The following PEAK1 variants were observed in gnomAD, a reference collection of about 807,000 sequenced individuals.
PEAK1 encodes the protein pseudopodium enriched atypical kinase 1, also known as inactive tyrosine-protein kinase PEAK1.
Under a neutral mutation model 124.7 loss-of-function variants are expected in PEAK1, and 54 were observed. The observed-to-expected ratio is 0.43, with a 90% confidence interval of 0.35 to 0.54. PEAK1 has a LOEUF of 0.54. Among genes scored for constraint, PEAK1 ranks in the 20% least tolerant of loss-of-function variants. The pLI is 0.01. For synonymous variants in PEAK1, 719 were observed against 760.0 expected, an observed-to-expected ratio of 0.95 and a Z score of 0.89; for missense variants, 2,046 against 2,134.5, an observed-to-expected ratio of 0.96 and a Z score of 0.82.
At chr15:77,322,740 A>G (rs2065306351) in intron 2 of PEAK1, among the ~76,000 whole-genome samples, 1 of 152,218 alleles carries the variant, frequency 6.6e-6, no homozygotes, top group Non-Finnish European at 1.5e-5. Flanking sequence ...AACTATTCCA[A>G]TTAATAGAAA....
intron 6 of PEAK1, among the ~76,000 whole-genome samples, chr15:77,186,856 C>T (rs2152828501): frequency 6.6e-6 from 1 of 152,308 alleles, no homozygotes; most frequent in South Asian, 2.1e-4. Flanking sequence ...GTCCAAAGAG[C>T]AATCCTTGGG....
rs193290946 is a variant in PEAK1 at position 77,275,268 on chromosome 15, C to T, written c.-275+8615G>A. Among the ~76,000 whole-genome samples, 336 of 152,256 alleles carry T rather than the reference C, an allele frequency of 2.2e-3. 2 individuals are homozygous for T. The highest frequency in any genetic ancestry group is 0.01 in the Middle Eastern group (3 of 294). On this transcript the variant is annotated intron_variant, in intron 5 of 9. Coordinates refer to ENST00000682557, the MANE Select transcript of PEAK1 (RefSeq NM_001385026.1). ...AATCTCATAAATCACCACTAAAGAA[C>T]TTATTCATGTAACCAAACACCACCT...
At chr15:77,168,085 A>C (rs1238980397) in intron 7 of PEAK1, among the ~76,000 whole-genome samples, 10 of 152,206 alleles carry the variant, frequency 6.6e-5, no homozygotes, top group Non-Finnish European at 1.0e-4. Flanking sequence ...GAGGTAATGC[A>C]AATTAAGATA....
At chr15:77,150,115 A>C (rs1392947516) in intron 8 of PEAK1, among the ~76,000 whole-genome samples, 1 of 152,204 alleles carries the variant, frequency 6.6e-6, no homozygotes, top group African/African-American at 2.4e-5. Flanking sequence ...TAGGGCATCT[A>C]TAATCATTTT....
chr15:77,182,955 C>T (rs2057361485), intron 6 of PEAK1, among the ~76,000 whole-genome samples: 1 of 151,518 alleles, frequency 6.6e-6, no homozygotes, highest in Non-Finnish European at 1.5e-5. Flanking sequence ...TATATAAGTC[C>T]AACAAAATAT....
At chr15:77,399,846 G>A (rs1022071768) in intron 1 of PEAK1, among the ~76,000 whole-genome samples, 3 of 152,076 alleles carry the variant, frequency 2.0e-5, no homozygotes, top group African/African-American at 7.2e-5. Context: ...CTTCTGCACA[G>A]CAAAGAAAAC....
intron 2 of PEAK1, among the ~76,000 whole-genome samples, chr15:77,363,641 G>C (rs1382466398): frequency 2.0e-5 from 3 of 152,106 alleles, no homozygotes; most frequent in Admixed American, 6.5e-5. Flanking sequence ...TCCTAATTCG[G>C]TAAGTGATTA....
Position 77,114,812 on chromosome 15 carries a change from G to T in PEAK1, c.4585C>A (p.Pro1529Thr). The change falls in exon 10 of 10, where the codon CCT becomes ACT. Residue 1529 changes from proline (P) to threonine (T), a missense_variant. Physicochemically the swap from Pro to Thr is conservative, Grantham distance 38. Transcript: ENST00000682557. Reference sequence around the variant, plus strand: ...CCAAAGCCTTGGGCAGTCCCCCCAGGCTGGTAGTGGACAAGTAGCAGGTTC... The same window carrying T: ...CCAAAGCCTTGGGCAGTCCCCCCAGTCTGGTAGTGGACAAGTAGCAGGTTC... ...LENLLLVHYQ[P>T]GGTAQGFGPA... The T allele has an allele frequency of 6.2e-7, 1 of 1,613,328 alleles. No individual in the cohort carries two copies. The highest frequency in any genetic ancestry group is 8.5e-7 in the Non-Finnish European group (1 of 1,179,966).
downstream of PEAK1, chr15:77,106,686 A>G (rs1479449925): frequency 6.6e-6 from 1 of 152,206 alleles, no homozygotes; most frequent in East Asian, 1.9e-4. Flanking sequence ...TCTATAACTA[A>G]GGTCTGAGTC....
At position 77,133,130 on chromosome 15, in the gene PEAK1, G is replaced by A. The variant is rs765054920; in HGVS notation, c.3952C>T (p.Arg1318Cys). The A allele has an allele frequency of 3.7e-6, 6 of 1,614,176 alleles. No homozygotes were observed. Among genetic ancestry groups the A allele is most frequent in the South Asian group, 1.1e-5 (1 of 91,082 alleles). Residue 1318 changes from arginine to cysteine, a missense_variant, in exon 9 of 10, where the codon CGT becomes TGT. By Grantham distance (180) the Arg-to-Cys change is radical. Coordinates refer to ENST00000682557, the MANE Select transcript of PEAK1 (RefSeq NM_001385026.1). The surrounding 1 kb of genome is among the most constrained non-coding windows in gnomAD (Gnocchi z 4.2). ...LFMAGQKDQL[R>C]FGVDSWSDFR... is the part of the protein sequence containing the mutation. Reference sequence around the variant, plus strand: ...TCTGACCAGCTGTCCACTCCAAAACGGAGCTGGTCTTTCTGCCCAGCCATG... The same window carrying A: ...TCTGACCAGCTGTCCACTCCAAAACAGAGCTGGTCTTTCTGCCCAGCCATG...
chr15:77,371,684 T>C (rs896432982), intron 1 of PEAK1, among the ~76,000 whole-genome samples: 2 of 152,160 alleles, frequency 1.3e-5, no homozygotes, highest in African/African-American at 4.8e-5. Flanking sequence ...GGTCCAGAGT[T>C]CAAGACCAGT....
chr15:77,332,254 T>C (rs1020258390), intron 2 of PEAK1: 8 of 984,912 alleles, frequency 8.1e-6, no homozygotes, highest in East Asian at 1.1e-4. Context: ...TTGATTTTTT[T>C]CCCCCTGAAA....
chr15:77,102,509 G>A (rs1432106477), exon 7 of PEAK1: 1 of 152,114 alleles, frequency 6.6e-6, no homozygotes, highest in Non-Finnish European at 1.5e-5. Flanking sequence ...CATTCTTCTA[G>A]TTCTTGAGAT....
intron 2 of PEAK1, 28 bp from the exon 3 acceptor site, chr15:77,286,532 T>C (rs1331935557): frequency 1.8e-6 from 2 of 1,124,978 alleles, no homozygotes; most frequent in Non-Finnish European, 2.2e-6. Context: ...GTGGGGAAGA[T>C]ATATTAATAA....
At chr15:77,165,886 G>C (rs901942340) in intron 7 of PEAK1, among the ~76,000 whole-genome samples, 1 of 152,204 alleles carries the variant, frequency 6.6e-6, no homozygotes, top group Non-Finnish European at 1.5e-5. Context: ...GGTGGTGGTA[G>C]AGTTGGGATC....
At chr15:77,252,576 A>AT in intron 5 of PEAK1, 50 bp from the exon 6 acceptor site, 6 of 889,344 alleles carry the variant, frequency 6.7e-6, no homozygotes, top group Non-Finnish European at 8.1e-6. Context: ...ATAATTTCAA[A>AT]TATATTGGAC....
chr15:77,365,741 TAAAAA>T (rs71145816), intron 1 of PEAK1, among the ~76,000 whole-genome samples: 2 of 80,816 alleles, frequency 2.5e-5, no homozygotes, highest in South Asian at 4.8e-4. Flanking sequence ...CTCCATCTCA[TAAAAA>T]AAAAAAAAAA....
At chr15:77,143,379 C>T (rs1264741385) in intron 8 of PEAK1, among the ~76,000 whole-genome samples, 1 of 152,122 alleles carries the variant, frequency 6.6e-6, no homozygotes, top group Non-Finnish European at 1.5e-5. Flanking sequence ...GTTTTACCTC[C>T]CTCACCACAC....
At chr15:77,356,769 A>G (rs530503395) in intron 2 of PEAK1, among the ~76,000 whole-genome samples, 1 of 152,370 alleles carries the variant, frequency 6.6e-6, no homozygotes, top group African/African-American at 2.4e-5. Context: ...CACAGAATTA[A>G]GGCATTATAA....
Sources: allele counts gnomAD v4.1 joint callset (sites outside exome capture counted in the v4.1 genomes callset), GRCh38; gene constraint gnomAD v4.1.1; non-coding constraint Gnocchi (gnomAD v3.1); transcripts MANE v1.5; gene names NCBI Gene and HGNC (gene_info 2026-07-23, HGNC 2026-07-21).